Variants in PRKG1 observed in about 807,000 individuals in gnomAD.
The protein encoded by PRKG1 is cGMP-dependent protein kinase 1.
In PRKG1, 35 loss-of-function variants were observed where a neutral mutation model predicts 88.1. The ratio of observed to expected loss-of-function variants is 0.40; its 90% CI spans 0.30 to 0.53. The LOEUF is 0.53. PRKG1 is among the 20% of genes least tolerant of loss of function. The probability of loss-of-function intolerance (pLI) is 0.59; values close to 1 mark genes in which losing one functional copy is unlikely to be tolerated. For missense variants in PRKG1, 540 were observed against 839.8 expected (o/e 0.64, Z 4.41); for synonymous variants, 303 against 292.5 (o/e 1.04, Z -0.37).
At chr10:51,378,340 G>T (rs1218415896) in intron 2 of PRKG1, among the ~76,000 whole-genome samples, 1 of 152,160 alleles carries the variant, frequency 6.6e-6, no homozygotes, top group African/African-American at 2.4e-5. Context: ...CATGATTCAT[G>T]CATAACACAG....
intron 1 of PRKG1, among the ~76,000 whole-genome samples, chr10:51,151,776 A>G (rs1157317947): frequency 2.6e-5 from 4 of 152,080 alleles, no homozygotes; most frequent in Non-Finnish European, 5.9e-5. Flanking sequence ...TTTTATGTGT[A>G]TCTTTGCACT....
intron 4 of PRKG1, among the ~76,000 whole-genome samples, chr10:51,824,684 G>A (rs1287976160): frequency 6.6e-6 from 1 of 152,098 alleles, no homozygotes; most frequent in Non-Finnish European, 1.5e-5. Flanking sequence ...TTTACTCATG[G>A]CAGAAGGTGA....
At chr10:51,972,361 A>G (rs1488133974) in intron 5 of PRKG1, among the ~76,000 whole-genome samples, 4 of 152,194 alleles carry the variant, frequency 2.6e-5, no homozygotes, top group Non-Finnish European at 5.9e-5. Context: ...TATTGCAGCA[A>G]TGCTGTTCTT....
intron 3 of PRKG1, among the ~76,000 whole-genome samples, chr10:51,799,607 A>G (rs1046310204): frequency 3.3e-5 from 5 of 151,814 alleles, no homozygotes; most frequent in African/African-American, 7.3e-5. Flanking sequence ...GGATCCTAGG[A>G]GATACTGGGG....
chr10:50,996,714 C>T (rs566351303), intron 1 of PRKG1, among the ~76,000 whole-genome samples: 18 of 152,250 alleles, frequency 1.2e-4, no homozygotes, highest in African/African-American at 4.1e-4. Flanking sequence ...CTTTGAATAC[C>T]CTTTGCTATT....
chr10:51,382,597 C>T (rs540807612), intron 2 of PRKG1, among the ~76,000 whole-genome samples: 4 of 152,128 alleles, frequency 2.6e-5, no homozygotes, highest in Non-Finnish European at 5.9e-5. Flanking sequence ...TCAAACAATG[C>T]TGTGGGGTAA....
At position 51,933,409 on chromosome 10, in the gene PRKG1, C is replaced by A. The variant is rs1296328431; in HGVS notation, c.762+25839C>A. Among the ~76,000 whole-genome samples, 3 of 152,026 alleles carry A rather than the reference C, an allele frequency of 2.0e-5. No homozygotes were observed. In the East Asian group the frequency reaches 5.8e-4, roughly 29 times the overall value. On this transcript the variant is annotated intron_variant, in intron 5 of 17. Transcript: ENST00000373980. ...CCCATTATTCAATTTAAATATATTGCATAGGATGCGCCAACAATCATTTTT... is the reference window on the plus strand; with the variant it reads ...CCCATTATTCAATTTAAATATATTGAATAGGATGCGCCAACAATCATTTTT...
At chr10:52,293,781 A>T in intron 17 of PRKG1, 21 bp from the exon 18 acceptor site, 1 of 1,591,696 alleles carries the variant, frequency 6.3e-7, no homozygotes, top group South Asian at 1.1e-5. Context: ...CCACTAAAAA[A>T]AACCTGTCCA....
At chr10:52,094,599 A>C (rs2133329391) in intron 7 of PRKG1, among the ~76,000 whole-genome samples, 1 of 152,324 alleles carries the variant, frequency 6.6e-6, no homozygotes, top group South Asian at 2.1e-4. Context: ...GGCTTAAACA[A>C]GAGAAATTTA....
At chr10:51,586,707 CAG>C (rs1838182842) in intron 3 of PRKG1, among the ~76,000 whole-genome samples, 1 of 152,066 alleles carries the variant, frequency 6.6e-6, no homozygotes, top group African/African-American at 2.4e-5. Flanking sequence ...TTACTGATGA[CAG>C]AGAGTATCTG....
Position 51,621,009 on chromosome 10 carries a change from G to GTATATATATATATA in PRKG1, c.592+153183_592+153196dup, listed in dbSNP as rs55657310. 8.8e-3 allele frequency among the ~76,000 whole-genome samples: 1,072 copies of GTATATATATATATA among 121,830 alleles called. 14 individuals carry two copies. Among genetic ancestry groups the GTATATATATATATA allele is most frequent in the South Asian group, 0.016 (54 of 3,472 alleles). The allele number at this position is 121,830 out of a possible 152,430, so 79.9% of individuals were successfully genotyped here. A position where few individuals can be genotyped will look rare whatever the true frequency, so the allele number is the denominator to read the frequency against. On this transcript the variant is annotated intron_variant, in intron 3 of 17. Coordinates refer to ENST00000373980, the MANE Select transcript of PRKG1 (RefSeq NM_006258.4). ...TGTGTGTGTGTGTGTGTATATGTGT[G>GTATATATATATATA]TATATATATATATATATATATATGA...
intron 9 of PRKG1, among the ~76,000 whole-genome samples, chr10:52,176,660 C>A (rs1026644544): frequency 1.2e-4 from 19 of 152,026 alleles, no homozygotes; most frequent in Non-Finnish European, 2.4e-4. Flanking sequence ...TATAAGATGT[C>A]TTTCAGTTTG....
At chr10:51,110,326 AG>A (rs1327442022) in intron 1 of PRKG1, among the ~76,000 whole-genome samples, 2 of 152,198 alleles carry the variant, frequency 1.3e-5, no homozygotes, top group African/African-American at 2.4e-5. Flanking sequence ...GAATGGATAA[AG>A]AAACTGTGAT....
chr10:51,176,330 G>C (rs972578654), intron 2 of PRKG1, among the ~76,000 whole-genome samples: 1 of 152,054 alleles, frequency 6.6e-6, no homozygotes, highest in Non-Finnish European at 1.5e-5. Flanking sequence ...GATGCATTTT[G>C]CCCGTCAGGT....
At chr10:52,217,830 G>A (rs188508500) in intron 9 of PRKG1, among the ~76,000 whole-genome samples, 5 of 152,046 alleles carry the variant, frequency 3.3e-5, no homozygotes, top group African/African-American at 7.2e-5. Flanking sequence ...TCCTTCCTCC[G>A]TTACTCTCTA....
At chr10:51,110,701 T>C (rs1844961978) in intron 1 of PRKG1, among the ~76,000 whole-genome samples, 1 of 152,142 alleles carries the variant, frequency 6.6e-6, no homozygotes, top group Non-Finnish European at 1.5e-5. Flanking sequence ...TTATACAAAA[T>C]TTTGTATATT....
At chr10:51,960,605 A>G (rs1402639736) in intron 5 of PRKG1, among the ~76,000 whole-genome samples, 1 of 151,930 alleles carries the variant, frequency 6.6e-6, no homozygotes, top group Non-Finnish European at 1.5e-5. Flanking sequence ...TTGGTAAAAT[A>G]AAGACGACGT....
intron 3 of PRKG1, among the ~76,000 whole-genome samples, chr10:51,621,565 A>G (rs1337530312): frequency 1.3e-5 from 2 of 152,194 alleles, no homozygotes; most frequent in African/African-American, 2.4e-5. Context: ...CCATGCAAGT[A>G]TCATGCCAAG....
At chr10:51,167,606 G>A (rs942702631) in intron 2 of PRKG1, among the ~76,000 whole-genome samples, 7 of 152,214 alleles carry the variant, frequency 4.6e-5, no homozygotes, top group African/African-American at 1.4e-4. Flanking sequence ...GGAAGCCATA[G>A]CAGTAATCGA....
Sources: allele counts gnomAD v4.1 joint callset (sites outside exome capture counted in the v4.1 genomes callset), GRCh38; gene constraint gnomAD v4.1.1; transcripts MANE v1.5; gene names NCBI Gene and HGNC (gene_info 2026-07-23, HGNC 2026-07-21).